SDAD1: variants seen among roughly 807,000 people sequenced by gnomAD.
The protein encoded by SDAD1 is protein SDA1 homolog.
A neutral mutation model predicts 100.3 loss-of-function variants in SDAD1; 79 were observed. That is an observed-to-expected ratio of 0.79 (90% CI 0.66 to 0.95). SDAD1 has a LOEUF of 0.95. SDAD1 is among the 40% of genes least tolerant of loss of function. The pLI is 0.00. For synonymous variants in SDAD1, 267 were observed against 271.4 expected (o/e 0.98, Z 0.16); for missense variants, 790 against 810.9 (o/e 0.97, Z 0.31).
Position 75,964,162 on chromosome 4 carries a change from T to C in SDAD1, c.1154A>G (p.Lys385Arg), listed in dbSNP as rs778451678. The change falls in exon 14 of 22, where the codon AAG (lysine) becomes AGG (arginine). Residue 385 changes from lysine (K) to arginine (R), a missense_variant. Lys to Arg is a conservative substitution (Grantham distance 26, BLOSUM62 2). Coordinates refer to ENST00000356260, the MANE Select transcript of SDAD1 (RefSeq NM_018115.4). ...TACTGTCATGACTTCTCCAGAGTTC[T>C]TGTCGGTAACAAAATTGTTTGCCAC... ...MTVANNFVTD[K>R]NSGEVMTVGI... The C allele has an allele frequency of 1.4e-5, 22 of 1,609,728 alleles. No homozygotes were observed. Among genetic ancestry groups the C allele is most frequent in the Non-Finnish European group, 1.7e-5 (20 of 1,178,794 alleles).
At position 75,981,405 on chromosome 4, in the gene SDAD1, G is replaced by A; in HGVS notation, c.261C>T (p.Cys87=). 1 of 1,613,840 alleles carries A rather than the reference G, an allele frequency of 6.2e-7. No homozygotes were observed. The highest frequency in any genetic ancestry group is 8.5e-7 in the Non-Finnish European group (1 of 1,179,796). The change falls in exon 3 of 22, where the codon TGC becomes TGT. Residue 87 remains cysteine, a synonymous_variant. Coordinates refer to ENST00000356260, the MANE Select transcript of SDAD1 (RefSeq NM_018115.4). The part of the protein sequence containing the change: ...FPQEVKDLLS[C]NHTVLDPDLR... ...GATCTGGATCCAATACGGTATGATT[G>A]CAGGAGAGAAGATCTTTCACCTCTT...
chr4:75,970,330 G>A lies in SDAD1; in HGVS notation c.862C>T (p.His288Tyr). 1 of 1,613,884 alleles carries A rather than the reference G, an allele frequency of 6.2e-7. No individual in the cohort carries two copies. The highest frequency in any genetic ancestry group is 8.5e-7 in the Non-Finnish European group (1 of 1,179,814). ...GTACCTTGGGGATCATGAATCAAGT[G>A]AATGGCTGAAAAGTTAAACACCTCT... ...KPEVFNFSAI[H>Y]LIHDPQDFAE... is the part of the protein sequence containing the mutation. The change falls in exon 10 of 22, where the codon CAC (histidine) becomes TAC (tyrosine). Residue 288 changes from histidine to tyrosine, a missense_variant. Physicochemically the swap from His to Tyr is moderately conservative, Grantham distance 83. Coordinates refer to ENST00000356260, the MANE Select transcript of SDAD1 (RefSeq NM_018115.4).
intron 8 of SDAD1, 119 bp from the exon 9 acceptor site, chr4:75,971,577 A>C: frequency 1.3e-6 from 1 of 758,394 alleles, no homozygotes; most frequent in East Asian, 2.5e-5. Context: ...TTAAAAATGA[A>C]TACTACTTTT....
intron 11 of SDAD1, among the ~76,000 whole-genome samples, 166 bp downstream of exon 11, chr4:75,969,130 A>G (rs1729721321): frequency 6.6e-6 from 1 of 152,152 alleles, no homozygotes; most frequent in Admixed American, 6.6e-5. Context: ...AAAGAAAATG[A>G]AGTGATAAAA....
Position 75,960,083 on chromosome 4 carries a change from T to C in SDAD1, c.1466A>G (p.Asn489Ser), listed in dbSNP as rs749145667. 33 of 1,607,092 alleles carry C rather than the reference T, an allele frequency of 2.1e-5. No homozygotes were observed. Among genetic ancestry groups the C allele is most frequent in the Middle Eastern group, 2.2e-4 (1 of 4,474 alleles). Residue 489 changes from asparagine to serine, a missense_variant, in exon 17 of 22, where the codon AAT (asparagine) becomes AGT (serine). Physicochemically the swap from Asn to Ser is conservative, Grantham distance 46. Transcript: ENST00000356260. The stretch of plus-strand genomic sequence containing the variant: ...AAATCAACCTTCATCATTTTCAGCA[T>C]TCTCTTCTTTCTCAACTTCCAGAAC... ...AEVLEVEKEENAENDEDGWES... is the reference protein window; with the variant it reads ...AEVLEVEKEESAENDEDGWES...
chr4:75,975,276 G>A (rs1730095151), intron 6 of SDAD1, among the ~76,000 whole-genome samples: 1 of 152,096 alleles, frequency 6.6e-6, no homozygotes, highest in African/African-American at 2.4e-5. Context: ...ATGAGTTAGG[G>A]ACACTGTATC....
chr4:75,967,133 T>C, intron 12 of SDAD1, 144 bp downstream of exon 12: 1 of 722,914 alleles, frequency 1.4e-6, no homozygotes, highest in Non-Finnish European at 2.3e-6. Context: ...CATAGCAAAC[T>C]CTAGAAAGAA....
rs145614989 is a variant in SDAD1 at position 75,983,325 on chromosome 4, G to C, written c.91-1288C>G. Among the ~76,000 whole-genome samples the C allele has an allele frequency of 5.3e-5, 8 of 152,298 alleles. 1 individual carries two copies. In the South Asian group the frequency reaches 1.7e-3, roughly 32 times the overall value. ...ATATACCCAGTAATGGGATGGCTGG[G>C]TCAAATGGTATTTCTGGTTCTAGAT... On this transcript the variant is annotated intron_variant, in intron 1 of 21. Transcript: ENST00000356260.
intron 11 of SDAD1, among the ~76,000 whole-genome samples, chr4:75,967,602 T>C (rs1729620744): frequency 6.6e-6 from 1 of 152,140 alleles, no homozygotes; most frequent in Non-Finnish European, 1.5e-5. Context: ...GTAAACAAAA[T>C]GTAACATTCT....
intron 21 of SDAD1, among the ~76,000 whole-genome samples, chr4:75,954,104 C>T (rs182680197): frequency 5.7e-3 from 862 of 152,072 alleles, no homozygotes; most frequent in Middle Eastern, 0.017. Context: ...TGGGGCCAGG[C>T]GCGGTAGTAG....
intron 3 of SDAD1, among the ~76,000 whole-genome samples, chr4:75,979,962 C>A (rs1363428838): frequency 6.6e-6 from 1 of 152,106 alleles, no homozygotes; most frequent in Non-Finnish European, 1.5e-5. Flanking sequence ...CTGCCTCAGC[C>A]TCCCAAGAAG....
In SDAD1 at chr4:75,961,118, C is replaced by T. The variant is rs1356612024; in HGVS notation, c.1280-14G>A. 1.2e-6 allele frequency: 2 copies of T among 1,612,984 alleles called. No homozygotes were observed. Among genetic ancestry groups the T allele is most frequent in the Non-Finnish European group, 1.7e-6 (2 of 1,179,012 alleles). ...ACATCATTACATCTGTAAAATAATA[C>T]TTTTAATTAGAAATTCTGGCCCATA... On this transcript the variant is annotated splice_polypyrimidine_tract_variant and intron_variant, in intron 15 of 21. Transcript: ENST00000356260.
At chr4:75,985,771 T>C (rs1730854976) in intron 1 of SDAD1, among the ~76,000 whole-genome samples, 1 of 152,172 alleles carries the variant, frequency 6.6e-6, no homozygotes, top group Non-Finnish European at 1.5e-5. Context: ...ATAACTATAT[T>C]ACAACTCCAT....
At chr4:75,952,493 C>G (rs1728670475) in intron 21 of SDAD1, among the ~76,000 whole-genome samples, 1 of 152,174 alleles carries the variant, frequency 6.6e-6, no homozygotes, top group African/African-American at 2.4e-5. Context: ...CTATCGTATG[C>G]TTTACTTCCC....
At chr4:75,990,680 C>T (rs1380142318) in intron 1 of SDAD1, 72 bp downstream of exon 1, 1 of 1,608,058 alleles carries the variant, frequency 6.2e-7, no homozygotes, top group East Asian at 2.2e-5. Flanking sequence ...CAGCCCCACT[C>T]CATGCTTTCC....
intron 3 of SDAD1, among the ~76,000 whole-genome samples, chr4:75,978,520 TACC>T (rs1730288201): frequency 6.6e-6 from 1 of 152,072 alleles, no homozygotes; most frequent in East Asian, 1.9e-4. Flanking sequence ...CACTCTTGCT[TACC>T]ACCAACTCTT....
intron 1 of SDAD1, among the ~76,000 whole-genome samples, chr4:75,988,006 T>C (rs1274805672): frequency 6.6e-6 from 1 of 152,148 alleles, no homozygotes; most frequent in Non-Finnish European, 1.5e-5. Context: ...CCTTTAAATG[T>C]TGGGAATCCC....
intron 4 of SDAD1, among the ~76,000 whole-genome samples, chr4:75,976,272 T>G (rs1730156355): frequency 6.6e-6 from 1 of 152,170 alleles, no homozygotes; most frequent in South Asian, 2.1e-4. Flanking sequence ...ACACAAACAT[T>G]CATAGCAGCC....
At chr4:75,955,687 C>T (rs1728850348) in intron 21 of SDAD1, among the ~76,000 whole-genome samples, 1 of 152,202 alleles carries the variant, frequency 6.6e-6, no homozygotes. Flanking sequence ...GATGATCTAG[C>T]TTGCATTCCT....
Sources: allele counts gnomAD v4.1 joint callset (sites outside exome capture counted in the v4.1 genomes callset), GRCh38; gene constraint gnomAD v4.1.1; transcripts MANE v1.5; gene names NCBI Gene and HGNC (gene_info 2026-07-23, HGNC 2026-07-21).